ARMC10: variants seen among roughly 807,000 people sequenced by gnomAD.
ARMC10 encodes the protein armadillo repeat containing 10.
In ARMC10, 23 loss-of-function variants were observed where a neutral mutation model predicts 30.2. The ratio of observed to expected loss-of-function variants is 0.76; its 90% CI spans 0.55 to 1.08. ARMC10 has a LOEUF of 1.08. Among genes scored for constraint, ARMC10 ranks in the 50% least tolerant of loss-of-function variants. The probability of loss-of-function intolerance (pLI) is 0.00; values close to 1 mark genes in which losing one functional copy is unlikely to be tolerated. For missense variants in ARMC10, 303 were observed against 413.7 expected, an observed-to-expected ratio of 0.73 and a Z score of 2.32; for synonymous variants, 111 against 164.4, an observed-to-expected ratio of 0.68 and a Z score of 2.48.
intron 4 of ARMC10, chr7:103,086,996 T>A: frequency 8.3e-7 from 1 of 1,199,964 alleles, no homozygotes; most frequent in African/African-American, 1.5e-5. Flanking sequence ...GGTTATCCTC[T>A]ACATCAGGGA....
At position 103,075,778 on chromosome 7, in the gene ARMC10, T is replaced by G; in HGVS notation, c.141T>G (p.Gly47=). 6.2e-7 allele frequency: 1 copy of G among 1,605,780 alleles called. No individual in the cohort carries two copies. Among genetic ancestry groups the G allele is most frequent in the Non-Finnish European group, 8.5e-7 (1 of 1,176,236 alleles). Residue 47 remains glycine (G), a splice_region_variant and synonymous_variant, in exon 2 of 7, where the codon GGT becomes GGG. Transcript: ENST00000323716. ...CCATAGGTCAATCTCTGCTTGCAGG[T>G]GCCCTGGAAGAAGGGACGTCAGAGG... The part of the protein sequence containing the change: ...ELGIRSSKSA[G]ALEEGTSEGQ...
chr7:103,082,405 CA>C (rs11354159), intron 2 of ARMC10, among the ~76,000 whole-genome samples: 117,212 of 141,530 alleles, frequency 0.83, 49,521 homozygotes, highest in Middle Eastern at 0.94. Flanking sequence ...CTGTTTATTG[CA>C]AAAAAAAAAA....
At chr7:103,086,974 G>T in intron 4 of ARMC10, 1 of 1,347,054 alleles carries the variant, frequency 7.4e-7, no homozygotes, top group South Asian at 1.3e-5. Flanking sequence ...AATAATGCTT[G>T]TTTATTCTAC....
intron 4 of ARMC10, among the ~76,000 whole-genome samples, chr7:103,087,170 G>C (rs1800934459): frequency 6.6e-6 from 1 of 152,218 alleles, no homozygotes; most frequent in Non-Finnish European, 1.5e-5. Context: ...AAATATGGTT[G>C]TTAATGCATA....
chr7:103,091,481 G>A (rs915609972), intron 4 of ARMC10, among the ~76,000 whole-genome samples: 1 of 58,754 alleles, frequency 1.7e-5, no homozygotes, highest in African/African-American at 6.3e-5. Flanking sequence ...TATTATGAAG[G>A]GGTGAATTAT....
chr7:103,097,979 A>G (rs1260807697), intron 6 of ARMC10, among the ~76,000 whole-genome samples: 1 of 152,182 alleles, frequency 6.6e-6, no homozygotes, highest in Non-Finnish European at 1.5e-5. Context: ...AAACCGTATG[A>G]TGATCTTAAA....
intron 2 of ARMC10, among the ~76,000 whole-genome samples, chr7:103,077,062 T>G (rs941468237): frequency 6.6e-6 from 1 of 152,066 alleles, no homozygotes; most frequent in Admixed American, 6.5e-5. Flanking sequence ...ACCTGGCTAA[T>G]TTTTCCAATT....
chr7:103,098,488 G>A lies in ARMC10; in HGVS notation c.967G>A (p.Ala323Thr). The stretch of plus-strand genomic sequence containing the variant: ...AGAAGAATGTGCCCAGAAAATAAGA[G>A]CTTTAGTTGATCACCATGATGCAGA... ...HGEECAQKIR[A>T]LVDHHDAEVK... Residue 323 changes from alanine to threonine, a missense_variant, in exon 7 of 7, where the codon GCT becomes ACT. Around this residue, in one of 4 missense-constraint regions of ARMC10, gnomAD observed 26 missense variants for 94.7 expected, o/e 0.27. Coordinates refer to ENST00000323716, the MANE Select transcript of ARMC10 (RefSeq NM_031905.5). 4.3e-6 allele frequency: 7 copies of A among 1,610,988 alleles called. No individual in the cohort carries two copies. Among genetic ancestry groups the A allele is most frequent in the Non-Finnish European group, 5.1e-6 (6 of 1,178,820 alleles).
intron 4 of ARMC10, among the ~76,000 whole-genome samples, chr7:103,087,344 G>A (rs1800948992): frequency 1.3e-5 from 2 of 152,190 alleles, no homozygotes; most frequent in East Asian, 3.8e-4. Context: ...TGTATGGGGA[G>A]AAATCCTCCA....
At chr7:103,076,445 TA>T (rs1799834340) in intron 2 of ARMC10, among the ~76,000 whole-genome samples, 1 of 152,090 alleles carries the variant, frequency 6.6e-6, no homozygotes, top group South Asian at 2.1e-4. Context: ...CCTGGAAGAG[TA>T]GGTTTCAAAG....
Position 103,083,853 on chromosome 7 carries a change from C to T in ARMC10, c.393+23C>T, listed in dbSNP as rs1381386210. Reference sequence around the variant, plus strand: ...CAAGTAAGTACCTCAACTCAGCAAGCAAGCTCTTTCCATTCTTACACACTA... The same window carrying T: ...CAAGTAAGTACCTCAACTCAGCAAGTAAGCTCTTTCCATTCTTACACACTA... On this transcript the variant is annotated intron_variant, in intron 3 of 6. Coordinates refer to ENST00000323716, the MANE Select transcript of ARMC10 (RefSeq NM_031905.5). 2.5e-6 allele frequency: 4 copies of T among 1,609,648 alleles called. No individual in the cohort carries two copies. In the Admixed American group the frequency reaches 6.8e-5, roughly 27 times the overall value.
chr7:103,098,655 A>C lies in ARMC10; in HGVS notation c.*102A>C. On this transcript the variant is annotated 3_prime_UTR_variant, in exon 7 of 7. Coordinates refer to ENST00000323716, the MANE Select transcript of ARMC10 (RefSeq NM_031905.5). ...CAGCTGCTAAATTTAAACAGTAAAT[A>C]TCACATTTTGTCATTAACACAGCTA... is the stretch of plus-strand genomic sequence containing the variant. 1 of 1,489,066 alleles carries C rather than the reference A, an allele frequency of 6.7e-7. No homozygotes were observed. Among genetic ancestry groups the C allele is most frequent in the East Asian group, 2.3e-5 (1 of 43,298 alleles). 92.2% of individuals were successfully genotyped at this position (1,489,066 alleles called of 1,614,324 possible). A position where few individuals can be genotyped will look rare whatever the true frequency, so the allele number is the denominator to read the frequency against.
intron 2 of ARMC10, among the ~76,000 whole-genome samples, chr7:103,078,595 G>T (rs1342183529): frequency 6.6e-6 from 1 of 152,198 alleles, no homozygotes; most frequent in East Asian, 1.9e-4. Context: ...CTTCATAGCA[G>T]CATGAGAATG....
intron 1 of ARMC10, 38 bp from the exon 2 acceptor site, chr7:103,075,739 T>G: frequency 6.8e-7 from 1 of 1,477,588 alleles, no homozygotes; most frequent in Non-Finnish European, 9.2e-7. Flanking sequence ...GAAGGGCTGT[T>G]GAGGGGCCCA....
rs757137310 is a variant in ARMC10 at position 103,097,273 on chromosome 7, T to G, written c.706-4T>G. 1.9e-6 allele frequency: 3 copies of G among 1,613,150 alleles called. No individual in the cohort carries two copies. The highest frequency in any genetic ancestry group is 1.7e-6 in the Non-Finnish European group (2 of 1,179,194). On this transcript the variant is annotated splice_polypyrimidine_tract_variant and splice_region_variant and intron_variant, in intron 5 of 6. Transcript: ENST00000323716. ...TGAGATAAGCCAGTATCATCTTCTT[T>G]CAGGTGCAAGTTTTGAAACTGCTTT...
intron 5 of ARMC10, 33 bp from the exon 6 acceptor site, chr7:103,097,244 A>G (rs1323381049): frequency 6.4e-7 from 1 of 1,566,744 alleles, no homozygotes; most frequent in East Asian, 2.2e-5. Context: ...CATGCTTGCC[A>G]GTCTGAGATA....
intron 4 of ARMC10, among the ~76,000 whole-genome samples, chr7:103,088,439 A>C (rs917423257): frequency 1.3e-5 from 2 of 152,192 alleles, no homozygotes; most frequent in East Asian, 1.9e-4. Context: ...GACCACTAGC[A>C]TGCTATTTTG....
At chr7:103,079,362 T>G (rs1373454597) in intron 2 of ARMC10, among the ~76,000 whole-genome samples, 1 of 152,212 alleles carries the variant, frequency 6.6e-6, no homozygotes, top group East Asian at 1.9e-4. Flanking sequence ...TTATCATTTC[T>G]GATAAAAACT....
intron 3 of ARMC10, among the ~76,000 whole-genome samples, chr7:103,085,781 A>AT (rs1327753726): frequency 1.3e-5 from 2 of 151,768 alleles, no homozygotes; most frequent in Non-Finnish European, 2.9e-5. Flanking sequence ...CGCCTGGCTA[A>AT]TTTTTGTATT....
Sources: allele counts gnomAD v4.1 joint callset (sites outside exome capture counted in the v4.1 genomes callset), GRCh38; gene constraint gnomAD v4.1.1; regional missense constraint gnomAD v4.1.1; transcripts MANE v1.5; gene names NCBI Gene and HGNC (gene_info 2026-07-23, HGNC 2026-07-21).